The following DOCK10 variants were observed in gnomAD, a reference collection of about 807,000 sequenced individuals.
DOCK10 encodes dedicator of cytokinesis protein 10.
DOCK10 carries 145 observed loss-of-function variants against 280.1 expected under a neutral mutation model. The ratio of observed to expected loss-of-function variants is 0.52; its 90% CI spans 0.45 to 0.59. DOCK10 has a LOEUF of 0.59. Among genes scored for constraint, DOCK10 ranks in the 20% least tolerant of loss-of-function variants. The probability of loss-of-function intolerance (pLI) is 0.00; values close to 1 mark genes in which losing one functional copy is unlikely to be tolerated. For synonymous variants in DOCK10, 915 were observed against 942.2 expected (o/e 0.97, Z 0.53); for missense variants, 2,368 against 2,651.7 (o/e 0.89, Z 2.35).
At chr2:224,814,458 A>T (rs1020729502) in intron 30 of DOCK10, 94 bp from the exon 31 acceptor site, 6 of 576,610 alleles carry the variant, frequency 1.0e-5, no homozygotes, top group Non-Finnish European at 1.7e-5. Context: ...GAACAATTAA[A>T]CTATATTATT....
At position 224,778,173 on chromosome 2, in the gene DOCK10, C is replaced by T; in HGVS notation, c.5767G>A (p.Ala1923Thr). 1 of 1,613,526 alleles carries T rather than the reference C, an allele frequency of 6.2e-7. No individual in the cohort carries two copies. The highest frequency in any genetic ancestry group is 8.5e-7 in the Non-Finnish European group (1 of 1,179,642). The change falls in exon 51 of 56, where the codon GCA becomes ACA. Residue 1923 changes from alanine (A) to threonine (T), a missense_variant. Coordinates refer to ENST00000258390, the MANE Select transcript of DOCK10 (RefSeq NM_014689.3). ...LLKLYADKFG[A>T]DNVKIIQDSN... The stretch of plus-strand genomic sequence containing the variant: ...TCCTGGATTATCTTCACATTGTCTG[C>T]TCCAAATTTATCTGCATAGAGCTTG...
chr2:224,838,988 A>G (rs1279902937), intron 24 of DOCK10, among the ~76,000 whole-genome samples: 12 of 152,218 alleles, frequency 7.9e-5, no homozygotes, highest in Admixed American at 4.6e-4. Flanking sequence ...TCAAACATGC[A>G]ACCACCCTGC....
chr2:224,769,738 C>T (rs1438262469), intron 55 of DOCK10, among the ~76,000 whole-genome samples: 2 of 152,098 alleles, frequency 1.3e-5, no homozygotes, highest in Non-Finnish European at 2.9e-5. Flanking sequence ...TGCACATCTG[C>T]AGGAGGCCCA....
intron 50 of DOCK10, among the ~76,000 whole-genome samples, chr2:224,781,277 A>G (rs911867722): frequency 6.6e-6 from 1 of 152,200 alleles, no homozygotes; most frequent in African/African-American, 2.4e-5. Context: ...TTGGCAAGTG[A>G]TCAATTGGTG....
chr2:224,924,379 A>G (rs567277675), intron 2 of DOCK10, among the ~76,000 whole-genome samples: 2 of 152,318 alleles, frequency 1.3e-5, no homozygotes, highest in East Asian at 1.9e-4. Context: ...TCCCCAGCCC[A>G]TGGCAACCAC....
chr2:224,985,942 C>A (rs1404353222), intron 1 of DOCK10, among the ~76,000 whole-genome samples: 1 of 152,166 alleles, frequency 6.6e-6, no homozygotes, highest in Non-Finnish European at 1.5e-5. Context: ...AAGTGTTGGA[C>A]CTTCCCAGCT....
chr2:224,805,375 T>C lies in DOCK10; in HGVS notation c.3936+33A>G. ...GTGAGAGTGAGTGACCTCTGCCTTG[T>C]AATGATCAGTAGGTTTGAGAGGGAA... On this transcript the variant is annotated intron_variant, in intron 35 of 55. Transcript: ENST00000258390. This position sits in a 1 kb window ranked among gnomAD's most constrained non-coding sequence, Gnocchi z 4.3. 6.2e-7 allele frequency: 1 copy of C among 1,612,810 alleles called. No homozygotes were observed. Among genetic ancestry groups the C allele is most frequent in the Non-Finnish European group, 8.5e-7 (1 of 1,179,182 alleles).
chr2:224,817,210 C>A (rs1272573459), intron 29 of DOCK10, among the ~76,000 whole-genome samples: 1 of 152,126 alleles, frequency 6.6e-6, no homozygotes, highest in Non-Finnish European at 1.5e-5. Flanking sequence ...TTAATTAATT[C>A]GTCTTTCCTC....
intron 21 of DOCK10, 133 bp downstream of exon 21, chr2:224,845,070 G>A (rs1696243785): frequency 3.0e-6 from 3 of 987,092 alleles, no homozygotes; most frequent in African/African-American, 3.3e-5. Context: ...CAAGAGATGT[G>A]GCATAGGTAC....
Position 224,916,798 on chromosome 2 carries a change from T to C in DOCK10, c.244-14A>G, listed in dbSNP as rs749523760. 11 of 1,598,912 alleles carry C rather than the reference T, an allele frequency of 6.9e-6. No homozygotes were observed. The highest frequency in any genetic ancestry group is 3.4e-5 in the Admixed American group (2 of 58,134). ...AACTGTGGCTGCCTGAAACGAACAA[T>C]GAAAAGAAATTGAGTCCTCCGGCTT... On this transcript the variant is annotated splice_polypyrimidine_tract_variant and intron_variant, in intron 2 of 55. Coordinates refer to ENST00000258390, the MANE Select transcript of DOCK10 (RefSeq NM_014689.3).
At chr2:224,826,088 GAC>G in intron 27 of DOCK10, among the ~76,000 whole-genome samples, 1 of 152,192 alleles carries the variant, frequency 6.6e-6, no homozygotes. Flanking sequence ...TTTTGTTTGA[GAC>G]AGAGTCTCTG....
Position 224,979,347 on chromosome 2 carries a change from C to T in DOCK10, c.124-47679G>A, listed in dbSNP as rs146601634. ...GGACAAGTCATTCATCAAGATCACA[C>T]AGCTAGTGAGTGGCAGAGATACAAC... On this transcript the variant is annotated intron_variant, in intron 1 of 55. Transcript: ENST00000258390. Among the ~76,000 whole-genome samples the T allele has an allele frequency of 4.6e-5, 7 of 152,358 alleles. No individual in the cohort carries two copies. In the East Asian group the frequency reaches 1.3e-3, roughly 29 times the overall value.
At chr2:224,951,189 C>T (rs922237266) in intron 1 of DOCK10, among the ~76,000 whole-genome samples, 5 of 152,086 alleles carry the variant, frequency 3.3e-5, no homozygotes, top group African/African-American at 7.2e-5. Flanking sequence ...TAGTTTATAG[C>T]TTATAGGGTT....
chr2:224,888,483 CAT>C (rs1338741776), intron 4 of DOCK10, among the ~76,000 whole-genome samples: 2 of 149,160 alleles, frequency 1.3e-5, no homozygotes, highest in Admixed American at 1.3e-4. Flanking sequence ...TGTGTGAATA[CAT>C]GTGTGTGTAT....
rs1399472411 is a variant in DOCK10 at position 225,042,273 on chromosome 2, G to A, written c.102C>T (p.Val34=). 13 of 1,331,890 alleles carry A rather than the reference G, an allele frequency of 9.8e-6. No homozygotes were observed. In the East Asian group the frequency reaches 4.1e-4, roughly 42 times the overall value. 82.5% of individuals were successfully genotyped at this position (1,331,890 alleles called of 1,614,324 possible). The stretch of plus-strand genomic sequence containing the variant: ...TCACCCGCTGCTGCTGCCGGCTGCT[G>A]ACTGCCACCGCGGCGGCGGACGCGG... ...HSAASAAAVA[V]SSRQQQRQEK... Residue 34 remains valine, a synonymous_variant, in exon 1 of 56, where the codon GTC becomes GTT. Transcript: ENST00000258390. The surrounding 1 kb of genome is among the most constrained non-coding windows in gnomAD (Gnocchi z 5.1).
intron 14 of DOCK10, chr2:224,860,737 T>A (rs1234838980): frequency 6.6e-6 from 1 of 152,002 alleles, no homozygotes. Flanking sequence ...CCACCCTTGG[T>A]TAATTTTTTA....
At chr2:224,969,123 T>C (rs576527233) in intron 1 of DOCK10, among the ~76,000 whole-genome samples, 1 of 152,346 alleles carries the variant, frequency 6.6e-6, no homozygotes, top group South Asian at 2.1e-4. Context: ...TCCTGGCTTT[T>C]GCCAAGGAAG....
rs1366833278 is a variant in DOCK10 at position 224,773,140 on chromosome 2, G to A, written c.6204+17C>T. 6.3e-7 allele frequency: 1 copy of A among 1,595,986 alleles called. No homozygotes were observed. The highest frequency in any genetic ancestry group is 1.7e-5 in the Admixed American group (1 of 59,530). The stretch of plus-strand genomic sequence containing the variant: ...CATTGGCCATGTGCATCTCAGCCCT[G>A]GGCAATGCTTACTCACCTTCACGCT... On this transcript the variant is annotated intron_variant, in intron 53 of 55. Transcript: ENST00000258390.
At position 224,773,323 on chromosome 2, in the gene DOCK10, T is replaced by C. The variant is rs1180304993; in HGVS notation, c.6038A>G (p.Lys2013Arg). 1 of 1,612,764 alleles carries C rather than the reference T, an allele frequency of 6.2e-7. No individual in the cohort carries two copies. The highest frequency in any genetic ancestry group is 1.3e-5 in the African/African-American group (1 of 75,044). The change falls in exon 53 of 56, where the codon AAG (lysine) becomes AGG (arginine). Residue 2013 changes from lysine (K) to arginine (R), a missense_variant. Physicochemically the swap from Lys to Arg is conservative, Grantham distance 26. Coordinates refer to ENST00000258390, the MANE Select transcript of DOCK10 (RefSeq NM_014689.3). ...LTTSHLFPYV[K>R]KRIQVISQSS... ...TTGGCTAATTACTTGTATTCTCTTC[T>C]TCACGTAGGGGAACAGGTGACTCGC...
Sources: allele counts gnomAD v4.1 joint callset (sites outside exome capture counted in the v4.1 genomes callset), GRCh38; gene constraint gnomAD v4.1.1; non-coding constraint Gnocchi (gnomAD v3.1); transcripts MANE v1.5; gene names NCBI Gene and HGNC (gene_info 2026-07-23, HGNC 2026-07-21).